Variants in HCLS1 observed in about 807,000 individuals in gnomAD.
The protein encoded by HCLS1 is hematopoietic lineage cell-specific protein.
A neutral mutation model predicts 68.6 loss-of-function variants in HCLS1; 44 were observed. That is an observed-to-expected ratio of 0.64 (90% CI 0.50 to 0.82). The LOEUF (loss-of-function observed/expected upper bound fraction) is 0.82. HCLS1 is among the 40% of genes least tolerant of loss of function. HCLS1 has a pLI of 0.00. For missense variants in HCLS1, 602 were observed against 612.1 expected, an observed-to-expected ratio of 0.98 and a Z score of 0.17; for synonymous variants, 217 against 225.8, an observed-to-expected ratio of 0.96 and a Z score of 0.35.
intron 6 of HCLS1, among the ~76,000 whole-genome samples, chr3:121,640,802 G>GAGGGGAGGGC (rs2049190301): frequency 9.3e-6 from 1 of 107,924 alleles, no homozygotes; most frequent in Non-Finnish European, 1.9e-5. Context: ...GAGGGGAGGG[G>GAGGGGAGGGC]AGGGGAGGGG....
At chr3:121,642,455 C>T (rs1189251093) in intron 6 of HCLS1, among the ~76,000 whole-genome samples, 6 of 151,708 alleles carry the variant, frequency 4.0e-5, no homozygotes, top group Admixed American at 6.6e-5. Context: ...GGTGACAGAG[C>T]GAGACTCCCT....
intron 3 of HCLS1, among the ~76,000 whole-genome samples, chr3:121,648,686 G>A (rs1220126024): frequency 1.3e-5 from 2 of 152,182 alleles, no homozygotes; most frequent in African/African-American, 4.8e-5. Context: ...AGATCCATCT[G>A]GTGGCCTTTA....
At chr3:121,644,196 C>T (rs557619755) in intron 5 of HCLS1, 18 of 170,708 alleles carry the variant, frequency 1.1e-4, no homozygotes, top group African/African-American at 4.1e-4. Flanking sequence ...TCAAAGAATC[C>T]GACCTAATAA....
rs147125943 is a variant in HCLS1, at chr3:121,632,125, C to T, written c.1300G>A (p.Val434Met). 6.2e-7 allele frequency: 1 copy of T among 1,613,808 alleles called. No individual in the cohort carries two copies. The highest frequency in any genetic ancestry group is 8.5e-7 in the Non-Finnish European group (1 of 1,179,842). The change falls in exon 13 of 14, where the codon GTG (valine) becomes ATG (methionine). Residue 434 changes from valine (V) to methionine (M), a missense_variant. Physicochemically the swap from Val to Met is conservative, Grantham distance 21. Transcript: ENST00000314583. Reference protein sequence around the residue: ...AGAVALGISAVAVYDYQGEGS... With the variant: ...AGAVALGISAMAVYDYQGEGS... ...CCTCCTTGGTAATCATATACAGCCA[C>T]AGCTGAGATCCCCAGAGCCACAGCC...
chr3:121,654,745 TTTTG>T (rs1221047162), intron 3 of HCLS1, among the ~76,000 whole-genome samples: 4 of 152,170 alleles, frequency 2.6e-5, no homozygotes, highest in African/African-American at 4.8e-5. Flanking sequence ...TACTGTTTTG[TTTTG>T]TTTGTTTGTT....
rs758214954 is a variant in HCLS1 at position 121,644,905 on chromosome 3, A to G, written c.312T>C (p.Val104=). 1.5e-5 allele frequency: 24 copies of G among 1,613,918 alleles called. No individual in the cohort carries two copies. Among genetic ancestry groups the G allele is most frequent in the Non-Finnish European group, 1.8e-5 (21 of 1,179,898 alleles). ...GAGAAGAGTGCTTCTCCACCTCGGC[A>G]ACATACTCATGGCCCACTGCACTCT... is the stretch of plus-strand genomic sequence containing the variant. ...MDKSAVGHEY[V]AEVEKHSSQT... Residue 104 remains valine, a synonymous_variant, in exon 5 of 14, where the codon GTT becomes GTC. Transcript: ENST00000314583.
In HCLS1 at chr3:121,632,513, C is replaced by G. The variant is rs1026060313; in HGVS notation, c.1059G>C (p.Gln353His). 1 of 1,613,900 alleles carries G rather than the reference C, an allele frequency of 6.2e-7. No individual in the cohort carries two copies. The highest frequency in any genetic ancestry group is 8.5e-7 in the Non-Finnish European group (1 of 1,180,000). The change falls in exon 12 of 14, where the codon CAG (glutamine) becomes CAC (histidine). Residue 353 changes from glutamine (Q) to histidine (H), a missense_variant. Physicochemically the swap from Gln to His is conservative, Grantham distance 24. Transcript: ENST00000314583. ...ALPPRTLEGL[Q>H]VEEEPVYEAE... ...CTTCGTACACTGGCTCTTCCTCCAC[C>G]TGGAGGCCTTCCAGAGTCCTAGGGG...
At chr3:121,634,646 T>C (rs981358593) in intron 9 of HCLS1, among the ~76,000 whole-genome samples, 5 of 151,970 alleles carry the variant, frequency 3.3e-5, no homozygotes, top group African/African-American at 1.2e-4. Context: ...CTCGTGTCTT[T>C]TTTTTTTCTT....
Position 121,631,913 on chromosome 3 carries a change from C to T in HCLS1, c.1394G>A (p.Trp465Ter), listed in dbSNP as rs1445979451. ...ITDIEMVDEG[W>*]WRGRCHGHFG... Reference sequence around the variant, plus strand: ...GTGGCCATGGCAACGTCCCCGCCACCAGCCCTCGTCCACCATCTCAATGTC... The same window carrying T: ...GTGGCCATGGCAACGTCCCCGCCACTAGCCCTCGTCCACCATCTCAATGTC... The change falls in exon 14 of 14, where the codon TGG (tryptophan) becomes TAG (stop). Residue 465 changes from tryptophan (W) to a stop codon, truncating the protein, a stop_gained. Transcript: ENST00000314583. LOFTEE classifies it high-confidence loss of function. 6.2e-7 allele frequency: 1 copy of T among 1,614,066 alleles called. No homozygotes were observed. Among genetic ancestry groups the T allele is most frequent in the Non-Finnish European group, 8.5e-7 (1 of 1,180,020 alleles).
In HCLS1 at chr3:121,636,440, C is replaced by T. The variant is rs2108858043; in HGVS notation, c.615G>A (p.Val205=). 1 of 1,612,546 alleles carries T rather than the reference C, an allele frequency of 6.2e-7. No homozygotes were observed. The highest frequency in any genetic ancestry group is 8.5e-7 in the Non-Finnish European group (1 of 1,178,604). Residue 205 remains valine (V), a synonymous_variant, in exon 8 of 14, where the codon GTG becomes GTA. Coordinates refer to ENST00000314583, the MANE Select transcript of HCLS1 (RefSeq NM_005335.6). ...TGGTGTTCCGGTGCTTTACCTTATCCACTCGGTCCTTCTGGATTCCATACT... is the reference window on the plus strand; with the variant it reads ...TGGTGTTCCGGTGCTTTACCTTATCTACTCGGTCCTTCTGGATTCCATACT... ...GGQYGIQKDR[V]DKSAVGFNEM...
chr3:121,636,281 C>A (rs910974673), intron 8 of HCLS1, among the ~76,000 whole-genome samples, 153 bp downstream of exon 8: 7 of 152,232 alleles, frequency 4.6e-5, no homozygotes, highest in African/African-American at 1.7e-4. Context: ...ATGCTGAGGG[C>A]AGTCAGTGGG....
chr3:121,631,659 G>A lies in HCLS1; in HGVS notation c.*187C>T. The A allele has an allele frequency of 9.9e-6, 6 of 603,948 alleles. No individual in the cohort carries two copies. The South Asian group carries it at 1.2e-4, about 12-fold the overall frequency. The allele number at this position is 603,948 out of a possible 1,614,324, so 37.4% of individuals were successfully genotyped here. A position where few individuals can be genotyped will look rare whatever the true frequency, so the allele number is the denominator to read the frequency against. ...TGTTCATGAGCTCATCCAGGATAGA[G>A]AGGACTCTTGGGGAAGGGGACCTCC... is the stretch of plus-strand genomic sequence containing the variant. On this transcript the variant is annotated 3_prime_UTR_variant, in exon 14 of 14. Transcript: ENST00000314583.
intron 6 of HCLS1, among the ~76,000 whole-genome samples, chr3:121,640,757 TA>T (rs1332419200): frequency 7.8e-6 from 1 of 128,552 alleles, no homozygotes; most frequent in East Asian, 2.4e-4. Flanking sequence ...AGACTTTATC[TA>T]AAAAAAGAGA....
chr3:121,656,468 G>A (rs766896968), intron 3 of HCLS1, among the ~76,000 whole-genome samples: 6 of 152,136 alleles, frequency 3.9e-5, no homozygotes, highest in Non-Finnish European at 8.8e-5. Flanking sequence ...TGAATCATCC[G>A]TGGAAGAGAG....
intron 2 of HCLS1, 103 bp downstream of exon 2, chr3:121,658,161 T>C: frequency 1.2e-6 from 1 of 856,684 alleles, no homozygotes; most frequent in Non-Finnish European, 2.0e-6. Flanking sequence ...GTCTCAGTCC[T>C]AGAAGGCCCT....
chr3:121,657,142 G>GA (rs928816575), intron 3 of HCLS1, 137 bp downstream of exon 3: 154 of 694,184 alleles, frequency 2.2e-4, no homozygotes, highest in Middle Eastern at 5.1e-4. Flanking sequence ...ACAGACTCTA[G>GA]AAAAAAAACA....
At chr3:121,643,806 C>A (rs1469770360) in intron 5 of HCLS1, 1 of 152,122 alleles carries the variant, frequency 6.6e-6, no homozygotes, top group Non-Finnish European at 1.5e-5. Flanking sequence ...GGCTTGTGAG[C>A]AAAAGATGTA....
intron 2 of HCLS1, 65 bp from the exon 3 acceptor site, chr3:121,657,417 C>A: frequency 7.1e-7 from 1 of 1,409,232 alleles, no homozygotes; most frequent in Non-Finnish European, 1.0e-6. Context: ...AAGGGCCACC[C>A]AACTGACACA....
At chr3:121,660,119 C>T (rs148564503) in intron 1 of HCLS1, among the ~76,000 whole-genome samples, 1 of 152,272 alleles carries the variant, frequency 6.6e-6, no homozygotes, top group East Asian at 1.9e-4. Flanking sequence ...TGTGACTAAG[C>T]CTCTGAGGGA....
Sources: gnomAD v4.1 joint callset for allele counts (sites outside exome capture counted in the v4.1 genomes callset) on GRCh38, gnomAD v4.1.1 for gene constraint, MANE v1.5 for transcripts, NCBI Gene and HGNC (gene_info 2026-07-23, HGNC 2026-07-21) for gene names.